TRIQK: variants seen among roughly 807,000 people sequenced by gnomAD.
TRIQK encodes triple QxxK/R motif-containing protein.
In TRIQK, 10 loss-of-function variants were observed where a neutral mutation model predicts 10.8. The observed-to-expected ratio is 0.92, with a 90% CI of 0.57 to 1.57. The LOEUF (loss-of-function observed/expected upper bound fraction) is 1.57. Ranked by LOEUF, TRIQK falls within the 40% of genes most tolerant of loss-of-function variation. The pLI is 0.00. For missense variants in TRIQK, 107 were observed against 97.7 expected (o/e 1.09, Z -0.40); for synonymous variants, 33 against 33.7 (o/e 0.98, Z 0.07).
chr8:92,968,622 T>C (rs1812841060), upstream of TRIQK, among the ~76,000 whole-genome samples: 1 of 152,242 alleles, frequency 6.6e-6, no homozygotes, highest in South Asian at 2.1e-4. Flanking sequence ...TCTGTTCATA[T>C]CCTTCACCCA....
intron 3 of TRIQK, among the ~76,000 whole-genome samples, chr8:92,908,649 A>T (rs1456757991): frequency 6.6e-6 from 1 of 152,122 alleles, no homozygotes; most frequent in African/African-American, 2.4e-5. Flanking sequence ...ACCAAGTTCT[A>T]TTCACTGTCT....
intron 1 of TRIQK, among the ~76,000 whole-genome samples, chr8:92,985,250 G>GCATGCA (rs531801957): frequency 1.3e-5 from 2 of 152,188 alleles, no homozygotes; most frequent in South Asian, 2.1e-4. Context: ...GCACGCGCAC[G>GCATGCA]CATGCACATG....
At chr8:92,982,579 C>G (rs1812996404) in intron 1 of TRIQK, among the ~76,000 whole-genome samples, 2 of 151,914 alleles carry the variant, frequency 1.3e-5, no homozygotes, top group South Asian at 4.1e-4. Context: ...ATTTTCTTGT[C>G]CTGGAACATT....
chr8:92,954,121 C>A (rs1484488814), intron 2 of TRIQK: 2 of 151,860 alleles, frequency 1.3e-5, no homozygotes, highest in Non-Finnish European at 2.9e-5. Flanking sequence ...AGCAACAAAT[C>A]TTTAACAGAC....
At chr8:92,995,040 G>A (rs1314663785) in intron 1 of TRIQK, among the ~76,000 whole-genome samples, 1 of 151,674 alleles carries the variant, frequency 6.6e-6, no homozygotes, top group African/African-American at 2.4e-5. Context: ...ATTTTTCCTT[G>A]CTATTCTACT....
chr8:92,939,093 T>C (rs1811141798), intron 2 of TRIQK, among the ~76,000 whole-genome samples: 1 of 152,346 alleles, frequency 6.6e-6, no homozygotes, highest in East Asian at 1.9e-4. Flanking sequence ...AATGTTATTT[T>C]ACTCTTTTAA....
chr8:93,010,533 A>C (rs1430550326), intron 1 of TRIQK, among the ~76,000 whole-genome samples: 2 of 152,186 alleles, frequency 1.3e-5, no homozygotes, highest in African/African-American at 4.8e-5. Context: ...AATTTATATG[A>C]ATTTGTAATT....
At chr8:92,940,860 A>T (rs1319089917) in intron 2 of TRIQK, among the ~76,000 whole-genome samples, 3 of 152,222 alleles carry the variant, frequency 2.0e-5, no homozygotes, top group Non-Finnish European at 2.9e-5. Flanking sequence ...ATTTCCCAGG[A>T]TAGATCATAT....
Position 92,966,130 on chromosome 8 carries a change from T to G in TRIQK, c.-304A>C, listed in dbSNP as rs1586514438. On this transcript the variant is annotated 5_prime_UTR_variant, in exon 1 of 5. Transcript: ENST00000521988. ...GCCGCACACCCCTACTCCCAAAGGG[T>G]GAGGCGGAAAAGAGGCGAGGCTCTG... The G allele has an allele frequency of 6.6e-6, 1 of 151,980 alleles. No individual in the cohort carries two copies. The highest frequency in any genetic ancestry group is 1.9e-4 in the East Asian group (1 of 5,170). 9.4% of individuals were successfully genotyped at this position (151,980 alleles called of 1,614,324 possible). A position where few individuals can be genotyped will look rare whatever the true frequency, so the allele number is the denominator to read the frequency against.
chr8:92,890,248 A>C (rs1816695506), intron 4 of TRIQK, among the ~76,000 whole-genome samples: 1 of 151,748 alleles, frequency 6.6e-6, no homozygotes, highest in Non-Finnish European at 1.5e-5. Context: ...CTGATTCTAA[A>C]AAGTTTCATA....
intron 3 of TRIQK, among the ~76,000 whole-genome samples, chr8:92,894,627 G>A (rs1010657944): frequency 1.3e-5 from 2 of 152,062 alleles, no homozygotes; most frequent in African/African-American, 4.8e-5. Flanking sequence ...AAGCCAATCT[G>A]GGGCCTCAAT....
intron 2 of TRIQK, among the ~76,000 whole-genome samples, chr8:92,924,291 C>T (rs114419930): frequency 1.2e-3 from 190 of 152,014 alleles, no homozygotes; most frequent in African/African-American, 4.4e-3. Context: ...ATTCACTTAA[C>T]ATATTTAAGT....
At chr8:92,990,724 A>G (rs1457527521) in intron 1 of TRIQK, among the ~76,000 whole-genome samples, 1 of 152,154 alleles carries the variant, frequency 6.6e-6, no homozygotes, top group Non-Finnish European at 1.5e-5. Flanking sequence ...CTCCGGCCCC[A>G]GGTAGTATGC....
chr8:92,997,144 G>A (rs1257281196), intron 1 of TRIQK, among the ~76,000 whole-genome samples: 1 of 151,996 alleles, frequency 6.6e-6, no homozygotes, highest in Non-Finnish European at 1.5e-5. Context: ...TTTTGCTAGT[G>A]ATGTTCTAAG....
intron 1 of TRIQK, among the ~76,000 whole-genome samples, chr8:93,003,734 A>G (rs980952076): frequency 2.0e-5 from 3 of 152,368 alleles, no homozygotes; most frequent in South Asian, 4.1e-4. Context: ...CCTCCAGGAT[A>G]CAATGAGCGT....
chr8:92,986,440 G>A (rs949177889), intron 1 of TRIQK, among the ~76,000 whole-genome samples: 5 of 152,124 alleles, frequency 3.3e-5, no homozygotes, highest in Admixed American at 6.5e-5. Flanking sequence ...ATTAGCAAAT[G>A]TATTTATAGG....
intron 1 of TRIQK, 95 bp downstream of exon 1, chr8:92,965,912 A>G (rs974841332): frequency 6.6e-6 from 1 of 152,458 alleles, no homozygotes; most frequent in African/African-American, 2.4e-5. Context: ...CAAACGCTTT[A>G]GGGCTCGCTA....
At chr8:92,958,243 T>A (rs1373073684) in intron 1 of TRIQK, among the ~76,000 whole-genome samples, 2 of 151,918 alleles carry the variant, frequency 1.3e-5, no homozygotes, top group Admixed American at 1.3e-4. Flanking sequence ...TTACAAATCT[T>A]ATTATACTTA....
chr8:92,898,544 A>G (rs1808729077), intron 3 of TRIQK, among the ~76,000 whole-genome samples: 1 of 152,084 alleles, frequency 6.6e-6, no homozygotes, highest in African/African-American at 2.4e-5. Flanking sequence ...CTGGCTTTAT[A>G]TAAAAGCAGA....
Sources: gnomAD v4.1 joint callset for allele counts (sites outside exome capture counted in the v4.1 genomes callset) on GRCh38, gnomAD v4.1.1 for gene constraint, MANE v1.5 for transcripts, NCBI Gene and HGNC (gene_info 2026-07-23, HGNC 2026-07-21) for gene names.